Variants in PARD3 observed in about 807,000 individuals in gnomAD.
PARD3 encodes the protein par-3 family cell polarity regulator.
Under a neutral mutation model 155.4 loss-of-function variants are expected in PARD3, and 75 were observed. That is an observed-to-expected ratio of 0.48 (90% confidence interval 0.40 to 0.58). PARD3 has a LOEUF of 0.58. Ranked by LOEUF, PARD3 falls within the 20% of genes least tolerant of loss-of-function variation. The pLI is 0.00. For synonymous variants in PARD3, 576 were observed against 610.5 expected (o/e 0.94, Z 0.83); for missense variants, 1,642 against 1,721.7 (o/e 0.95, Z 0.82).
chr10:34,340,063 GC>G (rs1836639007), intron 16 of PARD3, among the ~76,000 whole-genome samples: 1 of 152,140 alleles, frequency 6.6e-6, no homozygotes, highest in South Asian at 2.1e-4. Context: ...AGAACAGCTG[GC>G]ATTCTTGTTT....
At chr10:34,151,818 C>G (rs551683255) in intron 22 of PARD3, among the ~76,000 whole-genome samples, 4 of 152,180 alleles carry the variant, frequency 2.6e-5, no homozygotes, top group Non-Finnish European at 5.9e-5. Context: ...ATGGATCACA[C>G]AGGCAAAGAT....
chr10:34,631,365 G>A (rs1194546500), intron 2 of PARD3, among the ~76,000 whole-genome samples: 1 of 152,086 alleles, frequency 6.6e-6, no homozygotes, highest in Non-Finnish European at 1.5e-5. Context: ...AGAAGGGGTG[G>A]GTGTAGCAAA....
rs1321587114 is a variant in PARD3, at chr10:34,264,124, G to C, written c.3419+5533C>G. Among the ~76,000 whole-genome samples, 2 of 152,116 alleles carry C rather than the reference G, an allele frequency of 1.3e-5. 1 individual carries two copies. Among genetic ancestry groups the C allele is most frequent in the East Asian group, 3.9e-4 (2 of 5,188 alleles). ...AACTATTCAGTAGAAACCATACTTTGAGTACCCACACAACCAATCTATTTT... is the reference window on the plus strand; with the variant it reads ...AACTATTCAGTAGAAACCATACTTTCAGTACCCACACAACCAATCTATTTT... On this transcript the variant is annotated intron_variant, in intron 22 of 24. Transcript: ENST00000374788.
At chr10:34,374,213 T>C (rs1210090555) in intron 11 of PARD3, among the ~76,000 whole-genome samples, 1 of 152,162 alleles carries the variant, frequency 6.6e-6, no homozygotes, top group Non-Finnish European at 1.5e-5. Flanking sequence ...AAGACACTTA[T>C]TTCATTCACA....
intron 22 of PARD3, among the ~76,000 whole-genome samples, chr10:34,210,230 T>G (rs1317662710): frequency 1.3e-5 from 2 of 152,192 alleles, no homozygotes; most frequent in African/African-American, 4.8e-5. Flanking sequence ...TGTACATGTA[T>G]GTATGTGTGT....
chr10:34,563,970 A>T (rs895638614), intron 2 of PARD3, among the ~76,000 whole-genome samples: 2 of 152,234 alleles, frequency 1.3e-5, no homozygotes, highest in East Asian at 3.8e-4. Context: ...ATCAGTGTTG[A>T]TGATAAAATA....
At chr10:34,478,490 T>G (rs2078857998) in intron 3 of PARD3, among the ~76,000 whole-genome samples, 1 of 152,232 alleles carries the variant, frequency 6.6e-6, no homozygotes, top group African/African-American at 2.4e-5. Context: ...TTTCAATGGT[T>G]GCACTGAATC....
At chr10:34,345,256 TCTTC>T in intron 15 of PARD3, 1 of 985,348 alleles carries the variant, frequency 1.0e-6, no homozygotes, top group Non-Finnish European at 1.2e-6. Context: ...CTCTAAAGGC[TCTTC>T]CTTTTGGGGT....
chr10:34,280,409 G>A (rs1259973151), intron 21 of PARD3, among the ~76,000 whole-genome samples: 4 of 152,250 alleles, frequency 2.6e-5, no homozygotes, highest in African/African-American at 7.2e-5. Context: ...TTTTCTGATT[G>A]TAATTTTATG....
At chr10:34,681,145 TAGAGTA>T (rs2093809994) in intron 2 of PARD3, among the ~76,000 whole-genome samples, 1 of 152,078 alleles carries the variant, frequency 6.6e-6, no homozygotes, top group Admixed American at 6.5e-5. Flanking sequence ...AGTACAGAAA[TAGAGTA>T]AGCTTTTGAG....
chr10:34,177,805 A>T (rs1950102112), intron 22 of PARD3, among the ~76,000 whole-genome samples: 2 of 152,202 alleles, frequency 1.3e-5, no homozygotes, highest in Admixed American at 1.3e-4. Flanking sequence ...CAGTTACCAG[A>T]GAGACACCAG....
chr10:34,341,857 G>C, intron 15 of PARD3, 41 bp from the exon 16 acceptor site: 1 of 1,254,734 alleles, frequency 8.0e-7, no homozygotes, highest in Non-Finnish European at 1.1e-6. Flanking sequence ...TCTAGACATC[G>C]ATCAAAGTGT....
intron 3 of PARD3, among the ~76,000 whole-genome samples, chr10:34,508,459 T>C (rs2133521012): frequency 6.6e-6 from 1 of 152,172 alleles, no homozygotes; most frequent in Non-Finnish European, 1.5e-5. Flanking sequence ...ATTTGAATTG[T>C]GAGGTAAAAG....
chr10:34,374,243 C>G (rs758350427), intron 11 of PARD3, among the ~76,000 whole-genome samples: 5 of 152,122 alleles, frequency 3.3e-5, no homozygotes, highest in Non-Finnish European at 7.4e-5. Flanking sequence ...TGTAAATACT[C>G]AGATGTATTA....
intron 22 of PARD3, among the ~76,000 whole-genome samples, chr10:34,182,044 C>T (rs1220012030): frequency 6.6e-6 from 1 of 152,140 alleles, no homozygotes; most frequent in Non-Finnish European, 1.5e-5. Flanking sequence ...GAGTCTATAC[C>T]GCTGATGAAA....
intron 15 of PARD3, chr10:34,345,064 A>G: frequency 8.1e-6 from 8 of 983,106 alleles, no homozygotes; most frequent in Non-Finnish European, 9.7e-6. Flanking sequence ...TTACAGATGT[A>G]GATAATTATA....
intron 23 of PARD3, among the ~76,000 whole-genome samples, chr10:34,121,172 T>C (rs962484331): frequency 3.9e-5 from 6 of 152,256 alleles, no homozygotes; most frequent in Non-Finnish European, 8.8e-5. Flanking sequence ...ACTGAACGTG[T>C]ATACCGCATG....
chr10:34,219,027 GGAA>G lies in PARD3; in HGVS notation c.3419+50627_3419+50629del, dbSNP rs370451880. On this transcript the variant is annotated intron_variant, in intron 22 of 24. Transcript: ENST00000374788. Reference sequence around the variant, plus strand: ...CCATAGTATTTAAAGGCCTAGAGCAGGAAGAAGAACTCACTTCAAATGTTCACG... The same window carrying G: ...CCATAGTATTTAAAGGCCTAGAGCAGGAAGAACTCACTTCAAATGTTCACG... Among the ~76,000 whole-genome samples the G allele has an allele frequency of 3.7e-4, 57 of 152,314 alleles. No homozygotes were observed. The East Asian group carries it at 7.7e-3, about 21-fold the overall frequency.
chr10:34,442,854 G>C (rs2076538134), intron 5 of PARD3, among the ~76,000 whole-genome samples: 1 of 152,194 alleles, frequency 6.6e-6, no homozygotes, highest in Non-Finnish European at 1.5e-5. Context: ...CTGGGCAACA[G>C]AGCAAGAACC....
Sources: gnomAD v4.1 joint callset for allele counts (sites outside exome capture counted in the v4.1 genomes callset) on GRCh38, gnomAD v4.1.1 for gene constraint, MANE v1.5 for transcripts, NCBI Gene and HGNC (gene_info 2026-07-23, HGNC 2026-07-21) for gene names.